VSIG1: variants seen among roughly 807,000 people sequenced by gnomAD.
The protein encoded by VSIG1 is V-set and immunoglobulin domain containing 1.
A neutral mutation model predicts 20.1 loss-of-function variants in VSIG1; 11 were observed. The ratio of observed to expected loss-of-function variants is 0.55; its 90% CI spans 0.34 to 0.91. VSIG1 has a LOEUF of 0.91. VSIG1 is among the 40% of genes least tolerant of loss of function. VSIG1 has a pLI of 0.02. For missense variants in VSIG1, 283 were observed against 298.8 expected (o/e 0.95, Z 0.39); for synonymous variants, 126 against 116.7 (o/e 1.08, Z -0.52).
chrX:108,053,959 T>G (rs762976547), intron 1 of VSIG1, among the ~76,000 whole-genome samples: 1 of 111,629 alleles, frequency 9.0e-6, no homozygotes, highest in South Asian at 3.8e-4. Context: ...AGGCATCCAC[T>G]GGGGGTCTTG....
the VSIG1 span, among the ~76,000 whole-genome samples, chrX:108,022,916 C>G: frequency 8.9e-6 from 1 of 111,786 alleles, no homozygotes; most frequent in East Asian, 2.8e-4. Flanking sequence ...CTTCCTCCCT[C>G]TCTCACCATG....
chrX:108,047,805 T>TATAC (rs1322493516), intron 1 of VSIG1, among the ~76,000 whole-genome samples: 2 of 70,757 alleles, frequency 2.8e-5, no homozygotes, highest in African/African-American at 1.2e-4. Context: ...TATATATATA[T>TATAC]ATACATATAT....
At chrX:108,038,619 T>C in the VSIG1 span, among the ~76,000 whole-genome samples, 2 of 112,536 alleles carry the variant, frequency 1.8e-5, no homozygotes, top group Non-Finnish European at 3.8e-5. Flanking sequence ...CAAATGTCCA[T>C]CAGTGATAGG....
intron 2 of VSIG1, chrX:108,061,405 C>T (rs2031019161): frequency 8.8e-7 from 1 of 1,130,461 alleles, no homozygotes; most frequent in African/African-American, 1.8e-5. Flanking sequence ...CTCTCAGATC[C>T]ACCCATTTCT....
At chrX:108,060,981 G>A (rs2147926660) in intron 2 of VSIG1, among the ~76,000 whole-genome samples, 1 of 112,199 alleles carries the variant, frequency 8.9e-6, no homozygotes, top group South Asian at 3.8e-4. Flanking sequence ...CAGGGACAGA[G>A]CTCTTCAGGG....
In VSIG1 at chrX:108,061,603, G is replaced by A. The variant is rs1192837847; in HGVS notation, c.213+3402G>A. Reference sequence around the variant, plus strand: ...TGGAGACTCCAGGGCACTGGCACCAGCTTTAGGAATGGGATGGGAGGGTCT... The same window carrying A: ...TGGAGACTCCAGGGCACTGGCACCAACTTTAGGAATGGGATGGGAGGGTCT... On this transcript the variant is annotated intron_variant, in intron 2 of 6. Coordinates refer to ENST00000217957, the MANE Select transcript of VSIG1 (RefSeq NM_182607.5). The A allele has an allele frequency of 6.6e-6, 6 of 915,975 alleles. No homozygotes were observed. The African/African-American group carries it at 9.9e-5, about 15-fold the overall frequency. The allele number at this position is 915,975 out of a possible 1,213,427, so 75.5% of individuals were successfully genotyped here. A position where few individuals can be genotyped will look rare whatever the true frequency, so the allele number is the denominator to read the frequency against.
chrX:108,058,351 GAGA>G (rs1432480270), intron 2 of VSIG1, 150 bp downstream of exon 2: 1 of 516,017 alleles, frequency 1.9e-6, no homozygotes, highest in Non-Finnish European at 3.1e-6. Context: ...CAGCTGTATA[GAGA>G]AGATCATCAT....
chrX:108,068,881 T>A (rs2031185385), intron 3 of VSIG1, among the ~76,000 whole-genome samples: 1 of 112,233 alleles, frequency 8.9e-6, no homozygotes, highest in African/African-American at 3.2e-5. Flanking sequence ...TACAAGTCAG[T>A]CCACCTTTCT....
intron 1 of VSIG1, among the ~76,000 whole-genome samples, chrX:108,047,855 T>C (rs868714955): frequency 3.5e-4 from 14 of 39,501 alleles, no homozygotes; most frequent in East Asian, 4.9e-4. Context: ...CATATATATA[T>C]ACACATATAT....
At chrX:108,056,859 A>C (rs2030911003) in intron 1 of VSIG1, among the ~76,000 whole-genome samples, 1 of 112,056 alleles carries the variant, frequency 8.9e-6, no homozygotes, top group Non-Finnish European at 1.9e-5. Context: ...AAAATATGCA[A>C]CTGGCGTATG....
intron 4 of VSIG1, 54 bp from the exon 5 acceptor site, chrX:108,073,196 T>C (rs1296358293): frequency 8.5e-7 from 1 of 1,181,469 alleles, no homozygotes; most frequent in Non-Finnish European, 1.1e-6. Flanking sequence ...GTTACACTGA[T>C]GTTATCTGTA....
At chrX:108,066,428 A>T (rs1225289839) in intron 2 of VSIG1, among the ~76,000 whole-genome samples, 4 of 111,934 alleles carry the variant, frequency 3.6e-5, no homozygotes, top group African/African-American at 9.8e-5. Context: ...AAGTTTGTCT[A>T]TCCAAAAGAG....
the VSIG1 span, among the ~76,000 whole-genome samples, chrX:108,023,422 G>A: frequency 1.8e-5 from 2 of 112,010 alleles, no homozygotes; most frequent in Non-Finnish European, 3.8e-5. Context: ...TTCTTGTGAT[G>A]TCTTTGACTT....
chrX:108,065,203 T>C (rs942231158), intron 2 of VSIG1, among the ~76,000 whole-genome samples: 11 of 112,082 alleles, frequency 9.8e-5, no homozygotes, highest in Non-Finnish European at 1.9e-4. Context: ...GGAGAATACA[T>C]TTGAATTCAT....
chrX:108,040,974 T>G (rs928148997), upstream of VSIG1, among the ~76,000 whole-genome samples: 1 of 108,735 alleles, frequency 9.2e-6, no homozygotes, highest in South Asian at 4.1e-4. Flanking sequence ...TGTGAGTGAA[T>G]GAATGGGACT....
intron 1 of VSIG1, among the ~76,000 whole-genome samples, chrX:108,053,419 T>C (rs181909644): frequency 9.0e-6 from 1 of 111,393 alleles, no homozygotes; most frequent in Non-Finnish European, 1.9e-5. Context: ...GAGTAGACTG[T>C]TATGACTCAC....
upstream of VSIG1, among the ~76,000 whole-genome samples, chrX:108,044,399 C>T (rs2030527950): frequency 8.9e-6 from 1 of 111,882 alleles, no homozygotes; most frequent in African/African-American, 3.2e-5. Flanking sequence ...AAAAATCAGA[C>T]TTCTCCAAAG....
Position 108,077,104 on chromosome X carries a change from C to T in VSIG1, c.887C>T (p.Ala296Val). The T allele has an allele frequency of 8.3e-7, 1 of 1,211,811 alleles. No homozygotes were observed. Among genetic ancestry groups the T allele is most frequent in the Non-Finnish European group, 1.1e-6 (1 of 895,503 alleles). ...GESEAMPRED[A>V]TQLEVTLPSS... The stretch of plus-strand genomic sequence containing the variant: ...AGCGAAGCAATGCCAAGAGAAGACG[C>T]TACCCAACTAGAAGTAACTCTACCA... The change falls in exon 7 of 7, where the codon GCT (alanine) becomes GTT (valine). Residue 296 changes from alanine (A) to valine (V), a missense_variant. Transcript: ENST00000217957.
Position 108,077,066 on chromosome X carries a change from C to T in VSIG1, c.849C>T (p.Asn283=). 1 of 1,209,081 alleles carries T rather than the reference C, an allele frequency of 8.3e-7. No individual in the cohort carries two copies. Among genetic ancestry groups the T allele is most frequent in the Non-Finnish European group, 1.1e-6 (1 of 894,191 alleles). Reference sequence around the variant, plus strand: ...CTTGCAGGCCAATGACAAAGATAAACCCAAGGGGAGAAAGCGAAGCAATGC... The same window carrying T: ...CTTGCAGGCCAATGACAAAGATAAATCCAAGGGGAGAAAGCGAAGCAATGC... The part of the protein sequence containing the change: ...IAELEPMTKI[N]PRGESEAMPR... The change falls in exon 7 of 7, where the codon AAC becomes AAT. Residue 283 remains asparagine (N), a synonymous_variant. Transcript: ENST00000217957.
Sources: allele counts gnomAD v4.1 joint callset (sites outside exome capture counted in the v4.1 genomes callset), GRCh38; gene constraint gnomAD v4.1.1; transcripts MANE v1.5; gene names NCBI Gene and HGNC (gene_info 2026-07-23, HGNC 2026-07-21).